MAGI1: variants seen among roughly 807,000 people sequenced by gnomAD.
MAGI1 encodes the protein membrane associated guanylate kinase, WW and PDZ domain containing 1, also known as membrane-associated guanylate kinase, WW and PDZ domain-containing protein 1.
Under a neutral mutation model 139.9 loss-of-function variants are expected in MAGI1, and 58 were observed. The observed-to-expected ratio is 0.41, with a 90% confidence interval of 0.34 to 0.52. The LOEUF (loss-of-function observed/expected upper bound fraction) is 0.52, where lower values mean the gene tolerates loss of function less well. Among genes scored for constraint, MAGI1 ranks in the 20% least tolerant of loss-of-function variants. The pLI, the probability that MAGI1 is intolerant of heterozygous loss-of-function variation, is 0.12. For synonymous variants in MAGI1, 812 were observed against 737.9 expected (o/e 1.10, Z -1.63); for missense variants, 1,874 against 1,901.6 (o/e 0.99, Z 0.27).
At chr3:65,491,529 GACGACTGAAGC>G (rs1381666809) in intron 3 of MAGI1, among the ~76,000 whole-genome samples, 79 of 151,982 alleles carry the variant, frequency 5.2e-4, no homozygotes, top group Non-Finnish European at 9.3e-4. Flanking sequence ...TTATATATTT[GACGACTGAAGC>G]CCCCCAGATG....
At chr3:65,892,396 TAGC>T (rs2108580543) in intron 1 of MAGI1, among the ~76,000 whole-genome samples, 1 of 152,276 alleles carries the variant, frequency 6.6e-6, no homozygotes, top group Non-Finnish European at 1.5e-5. Flanking sequence ...CATAAAATAA[TAGC>T]AGAATCAGAT....
intron 18 of MAGI1, among the ~76,000 whole-genome samples, chr3:65,367,066 GT>G: frequency 6.6e-6 from 1 of 152,214 alleles, no homozygotes; most frequent in Admixed American, 6.5e-5. Context: ...ACGTGTATTG[GT>G]CCTTTAGCAA....
chr3:65,927,878 A>G (rs2062600152), intron 1 of MAGI1, among the ~76,000 whole-genome samples: 1 of 152,202 alleles, frequency 6.6e-6, no homozygotes, highest in African/African-American at 2.4e-5. Context: ...CCTGGCGCTC[A>G]GGAAAATCAA....
chr3:65,853,065 C>G (rs2059261004), intron 1 of MAGI1, among the ~76,000 whole-genome samples: 1 of 151,810 alleles, frequency 6.6e-6, no homozygotes, highest in African/African-American at 2.4e-5. Context: ...AGGGAAATCG[C>G]TTGAACCCAG....
At chr3:65,714,731 T>C (rs1443531685) in intron 1 of MAGI1, among the ~76,000 whole-genome samples, 1 of 152,068 alleles carries the variant, frequency 6.6e-6, no homozygotes, top group Non-Finnish European at 1.5e-5. Flanking sequence ...TCCTCAATCA[T>C]TTCTTCTCTG....
At chr3:65,466,484 G>A (rs1428899585) in intron 5 of MAGI1, among the ~76,000 whole-genome samples, 1 of 152,124 alleles carries the variant, frequency 6.6e-6, no homozygotes, top group East Asian at 1.9e-4. Context: ...TTACCGCTGG[G>A]TGGGGATAGT....
intron 2 of MAGI1, among the ~76,000 whole-genome samples, chr3:65,602,449 T>A (rs948209911): frequency 3.3e-5 from 5 of 152,128 alleles, no homozygotes; most frequent in African/African-American, 1.2e-4. Context: ...ACATGTCACA[T>A]ATTGTGTTAT....
intron 2 of MAGI1, among the ~76,000 whole-genome samples, chr3:65,590,157 A>G (rs2081904267): frequency 6.6e-6 from 1 of 152,156 alleles, no homozygotes; most frequent in Admixed American, 6.5e-5. Flanking sequence ...TGAATTCTAG[A>G]CAAAGTCAGG....
rs143054157 is a variant in MAGI1, at chr3:65,585,859, A to G, written c.430+36113T>C. Among the ~76,000 whole-genome samples, 109 of 152,324 alleles carry G rather than the reference A, an allele frequency of 7.2e-4. 1 individual carries two copies. The highest frequency in any genetic ancestry group is 2.5e-3 in the African/African-American group (103 of 41,568). ...GGTGAATGGCTACACATACTATAGTATATTCATACAATGGAATAATATGCA... is the reference window on the plus strand; with the variant it reads ...GGTGAATGGCTACACATACTATAGTGTATTCATACAATGGAATAATATGCA... On this transcript the variant is annotated intron_variant, in intron 2 of 22. Transcript: ENST00000402939.
At chr3:65,811,927 CGTGTGTGTGTGT>C (rs71102883) in intron 1 of MAGI1, among the ~76,000 whole-genome samples, 12 of 148,444 alleles carry the variant, frequency 8.1e-5, no homozygotes, top group African/African-American at 2.5e-4. Context: ...TGTATGTTTA[CGTGTGTGTGTGT>C]GTGTGTGTGT....
In MAGI1 at chr3:65,759,085, AAAAAAAAAAAT is replaced by A. The variant is rs1199128985; in HGVS notation, c.314-137008_314-136998del. Among the ~76,000 whole-genome samples the A allele has an allele frequency of 9.4e-3, 1,399 of 149,164 alleles. 29 individuals are homozygous for A. The highest frequency in any genetic ancestry group is 0.033 in the African/African-American group (1,304 of 39,130). ...CAGTGCAAAAAAAAAAAAAAAAAAA[AAAAAAAAAAAT>A]GGAAAGTGAAACTGAAGGAAGTCAA... On this transcript the variant is annotated intron_variant, in intron 1 of 22. Transcript: ENST00000402939.
intron 1 of MAGI1, chr3:65,914,312 T>C (rs928864098): frequency 3.3e-5 from 5 of 152,342 alleles, no homozygotes; most frequent in African/African-American, 9.6e-5. Context: ...GCAACATTTA[T>C]TTCAGAACAA....
chr3:65,955,003 C>T (rs1224424395), intron 1 of MAGI1, among the ~76,000 whole-genome samples: 1 of 152,116 alleles, frequency 6.6e-6, no homozygotes, highest in Admixed American at 6.5e-5. Flanking sequence ...TGCTCAAAAT[C>T]ATGCAGTTAG....
intron 2 of MAGI1, among the ~76,000 whole-genome samples, chr3:65,574,248 T>A (rs897841688): frequency 6.6e-6 from 1 of 151,176 alleles, no homozygotes; most frequent in Non-Finnish European, 1.5e-5. Flanking sequence ...TATGTATATA[T>A]ATATACATAC....
intron 1 of MAGI1, among the ~76,000 whole-genome samples, chr3:65,888,767 G>A (rs1177021841): frequency 6.6e-6 from 1 of 152,076 alleles, no homozygotes; most frequent in East Asian, 1.9e-4. Flanking sequence ...GACTGGCCAG[G>A]ATGCCCAAGA....
rs1168566536 is a variant in MAGI1 at position 65,470,393 on chromosome 3, A to C, written c.849T>G (p.Pro283=). The change falls in exon 5 of 23, where the codon CCT becomes CCG. Residue 283 remains proline, a synonymous_variant. Coordinates refer to ENST00000402939, the MANE Select transcript of MAGI1 (RefSeq NM_001033057.2). ...SSIIAAPITD[P]SQKFPQYLPL... ...GTAGGTATTGAGGGAACTTCTGAGA[A>C]GGGTCCGTGATGGGAGCAGCGATGA... The C allele has an allele frequency of 6.2e-7, 1 of 1,613,930 alleles. No homozygotes were observed. The highest frequency in any genetic ancestry group is 1.1e-5 in the South Asian group (1 of 91,084).
intron 18 of MAGI1, 92 bp downstream of exon 18, chr3:65,375,653 A>G: frequency 9.2e-7 from 1 of 1,089,810 alleles, no homozygotes. Context: ...TTACACGAAC[A>G]CTAATCAAAG....
intron 2 of MAGI1, among the ~76,000 whole-genome samples, chr3:65,579,866 G>T (rs150156278): frequency 1.4e-5 from 2 of 147,438 alleles, no homozygotes; most frequent in African/African-American, 5.0e-5. Context: ...AAAAAAACTC[G>T]CTCAGTATCA....
intron 2 of MAGI1, among the ~76,000 whole-genome samples, chr3:65,613,638 G>A (rs1241899102): frequency 6.6e-6 from 1 of 152,138 alleles, no homozygotes; most frequent in South Asian, 2.1e-4. Context: ...GGTTAACAAC[G>A]TATAATAAGA....
Sources: gnomAD v4.1 joint callset for allele counts (sites outside exome capture counted in the v4.1 genomes callset) on GRCh38, gnomAD v4.1.1 for gene constraint, MANE v1.5 for transcripts, NCBI Gene and HGNC (gene_info 2026-07-23, HGNC 2026-07-21) for gene names.